ZNF765: variants seen among roughly 807,000 people sequenced by gnomAD.
The protein encoded by ZNF765 is zinc finger protein 765.
Under a neutral mutation model 44.7 loss-of-function variants are expected in ZNF765, and 37 were observed. The observed-to-expected ratio is 0.83, with a 90% confidence interval of 0.64 to 1.09. The LOEUF (loss-of-function observed/expected upper bound fraction) is 1.09. ZNF765 is among the 50% of genes least tolerant of loss of function. The pLI is 0.00. For synonymous variants in ZNF765, 201 were observed against 213.7 expected (o/e 0.94, Z 0.52); for missense variants, 594 against 626.1 (o/e 0.95, Z 0.55).
chr19:53,412,116 A>T, downstream of ZNF765: 1 of 285,198 alleles, frequency 3.5e-6, no homozygotes, highest in South Asian at 3.1e-5. Context: ...GAGATCCTCC[A>T]GGAAAGGCAT....
At chr19:53,396,330 G>C (rs1455089061) in intron 1 of ZNF765, among the ~76,000 whole-genome samples, 9 of 152,310 alleles carry the variant, frequency 5.9e-5, no homozygotes, top group East Asian at 1.9e-4. Flanking sequence ...AAGTACTAGA[G>C]AGACCGGTAT....
rs1438627178 is a variant in ZNF765 at position 53,426,832 on chromosome 19, G to T, written c.*3730G>T. 3 of 151,862 alleles carry T rather than the reference G, an allele frequency of 2.0e-5. 1 individual carries two copies. Among genetic ancestry groups the T allele is most frequent in the African/African-American group, 7.3e-5 (3 of 41,230 alleles). The allele number at this position is 151,862 out of a possible 1,614,324, so 9.4% of individuals were successfully genotyped here. A position where few individuals can be genotyped will look rare whatever the true frequency, so the allele number is the denominator to read the frequency against. On this transcript the variant is annotated 3_prime_UTR_variant, in exon 4 of 4. Transcript: ENST00000594030. Reference sequence around the variant, plus strand: ...ACCAGTCCCTGGTGCCAAAAACACTGGGAACCGCTAATCTAGACAGTTCTC... The same window carrying T: ...ACCAGTCCCTGGTGCCAAAAACACTTGGAACCGCTAATCTAGACAGTTCTC...
Position 53,401,877 on chromosome 19 carries a change from A to C in ZNF765, c.16-188A>C, listed in dbSNP as rs199593921. 2.6e-3 allele frequency: 31 copies of C among 11,738 alleles called. No individual in the cohort carries two copies. The East Asian group carries it at 0.03, about 11-fold the overall frequency. The allele number at this position is 11,738 out of a possible 1,614,324, so 0.7% of individuals were successfully genotyped here. ...GGCAACAGAGTGAGACTCCACCTTTAAAAAAAAAAAAAAGAACTTTAGTAA... is the reference window on the plus strand; with the variant it reads ...GGCAACAGAGTGAGACTCCACCTTTCAAAAAAAAAAAAAGAACTTTAGTAA... On this transcript the variant is annotated intron_variant, in intron 2 of 3. Transcript: ENST00000396408.
At position 53,409,024 on chromosome 19, in the gene ZNF765, GAC is replaced by G. The variant is rs2085808249; in HGVS notation, c.1471_1472del (p.Gln491GlufsTer6). On this transcript the variant is annotated frameshift_variant, in exon 4 of 4. Coordinates refer to ENST00000396408, the MANE Select transcript of ZNF765 (RefSeq NM_001040185.3). LOFTEE classifies it high-confidence loss of function. ...ACATACCATCATAGACTTCATACTG[GAC>G]AGAAACCTTACAAATGTGAAGATTG... 1 of 1,603,688 alleles carries G rather than the reference GAC, an allele frequency of 6.2e-7. No homozygotes were observed. The highest frequency in any genetic ancestry group is 1.3e-5 in the African/African-American group (1 of 74,562).
intron 3 of ZNF765, among the ~76,000 whole-genome samples, chr19:53,422,248 C>A (rs2085911809): frequency 6.6e-6 from 1 of 152,180 alleles, no homozygotes; most frequent in Non-Finnish European, 1.5e-5. Context: ...CTGGCTTTGA[C>A]AGTAGAGCAT....
rs374268864 is a variant in ZNF765, at chr19:53,395,997, GGA to G, written c.-74+805_-74+806del. 5.8e-3 allele frequency among the ~76,000 whole-genome samples: 605 copies of G among 104,256 alleles called. 1 individual carries two copies. The highest frequency in any genetic ancestry group is 0.017 in the African/African-American group (568 of 34,054). 68.4% of individuals were successfully genotyped at this position (104,256 alleles called of 152,430 possible). A position where few individuals can be genotyped will look rare whatever the true frequency, so the allele number is the denominator to read the frequency against. On this transcript the variant is annotated intron_variant, in intron 1 of 3. Transcript: ENST00000396408. ...ATTTGCCAGACACAGCAAATGTGGG[GGA>G]AAAAAAAAAAAAGGAGGAGAAAAGC...
At position 53,407,923 on chromosome 19, in the gene ZNF765, C is replaced by T. The variant is rs1381117188; in HGVS notation, c.368C>T (p.Thr123Ile). ...MTKIKKLTGS[T>I]ERYDQNYAGN... ...AAAATCAAAAAGTTGACAGGTAGTA[C>T]AGAGCGATATGATCAAAATTATGCT... Residue 123 changes from threonine (T) to isoleucine (I), a missense_variant, in exon 4 of 4, where the codon ACA becomes ATA. Physicochemically the swap from Thr to Ile is moderately conservative, Grantham distance 89. This residue lies in a region of ZNF765 where 567 missense variants were observed against 572.6 expected (regional missense o/e 0.99). Coordinates refer to ENST00000396408, the MANE Select transcript of ZNF765 (RefSeq NM_001040185.3). 2.5e-6 allele frequency: 4 copies of T among 1,614,104 alleles called. No individual in the cohort carries two copies. Among genetic ancestry groups the T allele is most frequent in the East Asian group, 2.2e-5 (1 of 44,872 alleles).
chr19:53,421,382 C>T (rs1225329799), intron 3 of ZNF765, among the ~76,000 whole-genome samples: 1 of 152,168 alleles, frequency 6.6e-6, no homozygotes, highest in Non-Finnish European at 1.5e-5. Context: ...CCCCTGGGCC[C>T]ACTGTTCTTT....
intron 3 of ZNF765, among the ~76,000 whole-genome samples, chr19:53,404,116 C>T (rs1385071379): frequency 4.6e-5 from 7 of 152,172 alleles, no homozygotes; most frequent in Non-Finnish European, 8.8e-5. Flanking sequence ...TTGTTCTTGT[C>T]GCCCATGCTG....
At chr19:53,398,409 A>G (rs1336895600) in intron 2 of ZNF765, among the ~76,000 whole-genome samples, 1 of 152,218 alleles carries the variant, frequency 6.6e-6, no homozygotes, top group Non-Finnish European at 1.5e-5. Flanking sequence ...ATTCATGTGC[A>G]CAAAGTATGT....
At chr19:53,415,317 G>GT, downstream of ZNF765, among the ~76,000 whole-genome samples, 1 of 151,888 alleles carries the variant, frequency 6.6e-6, no homozygotes, top group Admixed American at 6.6e-5. Flanking sequence ...TCACTGATTG[G>GT]TGAAAGCTAT....
chr19:53,422,232 C>T (rs1362052014), intron 3 of ZNF765, among the ~76,000 whole-genome samples: 6 of 152,240 alleles, frequency 3.9e-5, no homozygotes, highest in Non-Finnish European at 5.9e-5. Context: ...GGAAGAACCC[C>T]GCTAACTGGC....
At chr19:53,403,541 G>A (rs1369570742) in intron 3 of ZNF765, among the ~76,000 whole-genome samples, 1 of 152,100 alleles carries the variant, frequency 6.6e-6, no homozygotes, top group African/African-American at 2.4e-5. Context: ...AGCCGGCTCC[G>A]CCTTTCAGGC....
At chr19:53,415,723 A>G (rs576773480), downstream of ZNF765, among the ~76,000 whole-genome samples, 1 of 151,798 alleles carries the variant, frequency 6.6e-6, no homozygotes, top group South Asian at 2.1e-4. Context: ...CATGGGATCG[A>G]CTCTTGAGAC....
At chr19:53,404,089 G>A (rs1289127945) in intron 3 of ZNF765, among the ~76,000 whole-genome samples, 2 of 152,020 alleles carry the variant, frequency 1.3e-5, no homozygotes, top group African/African-American at 4.8e-5. Context: ...TTATTTCTTT[G>A]TTGATGAGAT....
At chr19:53,396,068 A>G (rs1024799655) in intron 1 of ZNF765, among the ~76,000 whole-genome samples, 37 of 151,438 alleles carry the variant, frequency 2.4e-4, no homozygotes, top group Non-Finnish European at 3.1e-4. Context: ...AGAGAGATGA[A>G]GGACAGAGAG....
chr19:53,404,752 G>A (rs533217342), intron 3 of ZNF765, among the ~76,000 whole-genome samples: 21 of 152,182 alleles, frequency 1.4e-4, no homozygotes, highest in Non-Finnish European at 2.4e-4. Flanking sequence ...GAACCACCAT[G>A]CCTGGCCAGC....
chr19:53,417,153 G>C (rs1230983143), intron 3 of ZNF765, among the ~76,000 whole-genome samples: 1 of 152,112 alleles, frequency 6.6e-6, no homozygotes, highest in African/African-American at 2.4e-5. Flanking sequence ...TTTAAGTTCA[G>C]GGGTACATGT....
At chr19:53,400,438 T>G (rs1381995108) in intron 2 of ZNF765, among the ~76,000 whole-genome samples, 1 of 152,066 alleles carries the variant, frequency 6.6e-6, no homozygotes, top group Non-Finnish European at 1.5e-5. Context: ...GGTGATTACT[T>G]CCTCTAGGAT....
Sources: gnomAD v4.1 joint callset for allele counts (sites outside exome capture counted in the v4.1 genomes callset) on GRCh38, gnomAD v4.1.1 for gene constraint, gnomAD v4.1.1 regional missense constraint, MANE v1.5 for transcripts, NCBI Gene and HGNC (gene_info 2026-07-23, HGNC 2026-07-21) for gene names.